The following RIPOR3 variants were observed in gnomAD, a reference collection of about 807,000 sequenced individuals.
RIPOR3 encodes RIPOR family member 3.
Under a neutral mutation model 114.3 loss-of-function variants are expected in RIPOR3, and 95 were observed. That is an observed-to-expected ratio of 0.83 (90% CI 0.70 to 0.99). The LOEUF (loss-of-function observed/expected upper bound fraction) is 0.99, where lower values mean the gene tolerates loss of function less well. RIPOR3 is among the 50% of genes least tolerant of loss of function. RIPOR3 has a pLI of 0.00. For synonymous variants in RIPOR3, 575 were observed against 543.8 expected (o/e 1.06, Z -0.80); for missense variants, 1,252 against 1,266.9 (o/e 0.99, Z 0.18).
rs867774542 is a variant in RIPOR3 at position 50,672,732 on chromosome 20, C to T, written c.3+18394G>A. Among the ~76,000 whole-genome samples the T allele has an allele frequency of 9.8e-5, 15 of 152,298 alleles. No homozygotes were observed. The Middle Eastern group carries it at 0.02, about 207-fold the overall frequency. On this transcript the variant is annotated intron_variant, in intron 1 of 21. Transcript: ENST00000327979. ...AGAATGGACTTTCCACCTGCATGCA[C>T]GTCACAGTGCCCAGAACCCTAACAG...
chr20:50,608,881 C>A, intron 9 of RIPOR3, 31 bp downstream of exon 9: 1 of 1,599,800 alleles, frequency 6.3e-7, no homozygotes. Flanking sequence ...GGCGGGGAGC[C>A]CTGAGGATTG....
chr20:50,634,344 G>T (rs971431423), intron 1 of RIPOR3, among the ~76,000 whole-genome samples: 1 of 152,028 alleles, frequency 6.6e-6, no homozygotes, highest in African/African-American at 2.4e-5. Flanking sequence ...TGGCCACATG[G>T]ATTGGCTTCC....
At chr20:50,690,986 C>A in intron 1 of RIPOR3, 140 bp downstream of exon 1, 1 of 1,110,708 alleles carries the variant, frequency 9.0e-7, no homozygotes, top group Non-Finnish European at 1.2e-6. Context: ...CAGCCTCAAC[C>A]CAGGTTCCCT....
chr20:50,593,318 A>G (rs2083175782), intron 17 of RIPOR3, 122 bp from the exon 18 acceptor site: 1 of 1,120,134 alleles, frequency 8.9e-7, no homozygotes, highest in Non-Finnish European at 1.2e-6. Context: ...CGCACCTGTA[A>G]CCCCAGCACT....
At chr20:50,677,679 T>TCGTCTTCTTAG (rs1323750133) in intron 1 of RIPOR3, among the ~76,000 whole-genome samples, 4 of 149,116 alleles carry the variant, frequency 2.7e-5, no homozygotes, top group Admixed American at 6.7e-5. Context: ...GCCTTTTTTT[T>TCGTCTTCTTAG]TTTTTTTTGA....
intron 1 of RIPOR3, among the ~76,000 whole-genome samples, chr20:50,663,094 C>CA (rs35856275): frequency 0.048 from 3,306 of 68,590 alleles, 84 homozygotes; most frequent in African/African-American, 0.078. Context: ...GAGACTGTCT[C>CA]AAAAAAAAAA....
chr20:50,651,819 A>G (rs1428514312), intron 1 of RIPOR3, among the ~76,000 whole-genome samples: 5 of 152,234 alleles, frequency 3.3e-5, no homozygotes, highest in Non-Finnish European at 7.3e-5. Flanking sequence ...GTGTTCTTCA[A>G]TGCACTGCCT....
At chr20:50,685,913 T>C (rs968619789) in intron 1 of RIPOR3, among the ~76,000 whole-genome samples, 1 of 150,284 alleles carries the variant, frequency 6.7e-6, no homozygotes, top group Non-Finnish European at 1.5e-5. Context: ...CATGGAAAAA[T>C]GTCCAGGACA....
chr20:50,588,749 G>GAA (rs869194473), intron 20 of RIPOR3, among the ~76,000 whole-genome samples: 22 of 58,414 alleles, frequency 3.8e-4, no homozygotes, highest in African/African-American at 4.6e-4. Flanking sequence ...ATTCTCAAGT[G>GAA]AAAAAAAAAA....
At chr20:50,672,914 T>C (rs1411207251) in intron 1 of RIPOR3, among the ~76,000 whole-genome samples, 2 of 152,220 alleles carry the variant, frequency 1.3e-5, no homozygotes, top group Admixed American at 6.5e-5. Flanking sequence ...CGGGGACTGC[T>C]TGCCAACCCA....
chr20:50,596,562 C>T (rs937076290), intron 14 of RIPOR3, among the ~76,000 whole-genome samples: 1 of 152,172 alleles, frequency 6.6e-6, no homozygotes. Flanking sequence ...AGTCTGCCTC[C>T]CCAAGGCTCA....
chr20:50,662,756 C>T (rs1308002984), intron 1 of RIPOR3, among the ~76,000 whole-genome samples: 7 of 152,130 alleles, frequency 4.6e-5, no homozygotes, highest in African/African-American at 1.7e-4. Flanking sequence ...CAATTCTTTC[C>T]AAGCCTCAGC....
chr20:50,593,190 C>T lies in RIPOR3; in HGVS notation c.2219G>A (p.Arg740His), dbSNP rs557718859. 2.5e-5 allele frequency: 40 copies of T among 1,611,960 alleles called. No homozygotes were observed. The highest frequency in any genetic ancestry group is 1.3e-4 in the East Asian group (6 of 44,884). Residue 740 changes from arginine to histidine, a missense_variant, in exon 18 of 22, where the codon CGC becomes CAC. By Grantham distance (29) the Arg-to-His change is conservative (BLOSUM62 0). Transcript: ENST00000327979. Reference sequence around the variant, plus strand: ...GCTGACCACCTGCTCCAGGAGCCTGCGGCACGCTGGCCAAAGGGGAGAGTA... The same window carrying T: ...GCTGACCACCTGCTCCAGGAGCCTGTGGCACGCTGGCCAAAGGGGAGAGTA... Reference protein sequence around the residue: ...KYPGQLEIACRRLLEQVVSCG... With the variant: ...KYPGQLEIACHRLLEQVVSCG...
At chr20:50,611,987 G>A (rs760893101) in intron 4 of RIPOR3, among the ~76,000 whole-genome samples, 1 of 152,050 alleles carries the variant, frequency 6.6e-6, no homozygotes, top group African/African-American at 2.4e-5. Flanking sequence ...AGCTGGGTGT[G>A]GTGGTGCATG....
intron 1 of RIPOR3, among the ~76,000 whole-genome samples, chr20:50,656,662 G>C (rs1161258079): frequency 1.3e-5 from 2 of 151,916 alleles, no homozygotes; most frequent in African/African-American, 4.8e-5. Context: ...ACCATGCCCG[G>C]CTAATTTTTG....
At chr20:50,625,496 T>A (rs185633207) in intron 2 of RIPOR3, among the ~76,000 whole-genome samples, 1 of 152,366 alleles carries the variant, frequency 6.6e-6, no homozygotes, top group East Asian at 1.9e-4. Flanking sequence ...AGAGTCTGTG[T>A]GCTTGACAGC....
chr20:50,676,538 GCTACTCT>G (rs2086682459), intron 1 of RIPOR3, among the ~76,000 whole-genome samples: 1 of 152,066 alleles, frequency 6.6e-6, no homozygotes, highest in Non-Finnish European at 1.5e-5. Context: ...TGTGGTCCCA[GCTACTCT>G]GGAGGCTGAG....
chr20:50,651,861 T>C (rs2085623896), intron 1 of RIPOR3, among the ~76,000 whole-genome samples: 1 of 152,214 alleles, frequency 6.6e-6, no homozygotes, highest in Non-Finnish European at 1.5e-5. Context: ...GGAGCCCAGA[T>C]CTGCTGCTCT....
At chr20:50,633,111 A>C (rs1345007060) in intron 1 of RIPOR3, among the ~76,000 whole-genome samples, 1 of 152,136 alleles carries the variant, frequency 6.6e-6, no homozygotes, top group East Asian at 1.9e-4. Flanking sequence ...AAATACAAAA[A>C]ATTAGCCAGG....
Sources: allele counts gnomAD v4.1 joint callset (sites outside exome capture counted in the v4.1 genomes callset), GRCh38; gene constraint gnomAD v4.1.1; transcripts MANE v1.5; gene names NCBI Gene and HGNC (gene_info 2026-07-23, HGNC 2026-07-21).